Variants in TRIM26 observed in about 807,000 individuals in gnomAD.
TRIM26 encodes the protein tripartite motif containing 26.
Under a neutral mutation model 45.5 loss-of-function variants are expected in TRIM26, and 16 were observed. The observed-to-expected ratio is 0.35, with a 90% CI of 0.24 to 0.53. TRIM26 has a LOEUF of 0.53. Among genes scored for constraint, TRIM26 ranks in the 20% least tolerant of loss-of-function variants. The pLI, the probability that TRIM26 is intolerant of heterozygous loss-of-function variation, is 0.92. For missense variants in TRIM26, 442 were observed against 691.1 expected (o/e 0.64, Z 4.04); for synonymous variants, 273 against 290.4 (o/e 0.94, Z 0.61).
At position 30,189,560 on chromosome 6, in the gene TRIM26, T is replaced by A. The variant is rs371281863; in HGVS notation, c.789-27A>T. Reference sequence around the variant, plus strand: ...TAAGAAGATGACATACATAACAAGCTGTTACTCAGCTCTTCTTACTTTCCT... The same window carrying A: ...TAAGAAGATGACATACATAACAAGCAGTTACTCAGCTCTTCTTACTTTCCT... On this transcript the variant is annotated intron_variant, in intron 7 of 9. Coordinates refer to ENST00000454678, the MANE Select transcript of TRIM26 (RefSeq NM_003449.5). This position sits in a 1 kb window ranked among gnomAD's most constrained non-coding sequence, Gnocchi z 5.0. 5.2e-5 allele frequency: 81 copies of A among 1,572,550 alleles called. No homozygotes were observed. The highest frequency in any genetic ancestry group is 6.7e-5 in the Non-Finnish European group (77 of 1,143,672).
At position 30,190,915 on chromosome 6, in the gene TRIM26, T is replaced by G. The variant is rs1028309844; in HGVS notation, c.766-880A>C. On this transcript the variant is annotated intron_variant, in intron 6 of 9. Coordinates refer to ENST00000454678, the MANE Select transcript of TRIM26 (RefSeq NM_003449.5). This position sits in a 1 kb window ranked among gnomAD's most constrained non-coding sequence, Gnocchi z 4.3. The stretch of plus-strand genomic sequence containing the variant: ...AACTGAGGCAGAAATAAACTTCTAT[T>G]CTGTTTGCGTCACTGTACAGCAGTG... Among the ~76,000 whole-genome samples, 3 of 152,118 alleles carry G rather than the reference T, an allele frequency of 2.0e-5. No homozygotes were observed. Among genetic ancestry groups the G allele is most frequent in the Non-Finnish European group, 4.4e-5 (3 of 68,024 alleles).
In TRIM26 at chr6:30,198,716, G is replaced by GCTCCCGGGA; in HGVS notation, c.379_387dup (p.Ser127_Glu129dup). ...ATGAGGACGGCCGTGTGGGGCCTGT[G>GCTCCCGGGA]CTCCCGGGACTCCCGGCACATCACG... On this transcript the variant is annotated inframe_insertion, in exon 4 of 10. Transcript: ENST00000454678. This position sits in a 1 kb window ranked among gnomAD's most constrained non-coding sequence, Gnocchi z 6.3. 6.2e-7 allele frequency: 1 copy of GCTCCCGGGA among 1,604,858 alleles called. No individual in the cohort carries two copies. The highest frequency in any genetic ancestry group is 8.5e-7 in the Non-Finnish European group (1 of 1,179,874).
Position 30,209,885 on chromosome 6 carries a change from C to CA in TRIM26, c.-376+3419dup, listed in dbSNP as rs1430136322. 1.3e-5 allele frequency among the ~76,000 whole-genome samples: 2 copies of CA among 151,154 alleles called. No homozygotes were observed. The highest frequency in any genetic ancestry group is 3.0e-5 in the Non-Finnish European group (2 of 67,704). On this transcript the variant is annotated intron_variant, in intron 1 of 9. Coordinates refer to ENST00000454678, the MANE Select transcript of TRIM26 (RefSeq NM_003449.5). The surrounding 1 kb of genome is among the most constrained non-coding windows in gnomAD (Gnocchi z 4.8). ...AAAATAAAAATAAAAACAAACACAC[C>CA]AAAAAAACTCCTACTAGCTGAGGTC...
At chr6:30,195,757 G>T (rs1045749094) in intron 6 of TRIM26, among the ~76,000 whole-genome samples, 1 of 152,122 alleles carries the variant, frequency 6.6e-6, no homozygotes, top group Non-Finnish European at 1.5e-5. Flanking sequence ...CAGTGCAAGT[G>T]GGGGAATACC....
chr6:30,192,346 G>A (rs1204794407), intron 6 of TRIM26, among the ~76,000 whole-genome samples: 1 of 152,144 alleles, frequency 6.6e-6, no homozygotes, highest in East Asian at 1.9e-4. Flanking sequence ...CATGCCACCT[G>A]ATCCTGCAGG....
In TRIM26 at chr6:30,186,341, CTCT is replaced by C. The variant is rs1172230559; in HGVS notation, c.1152_1154del (p.Glu385del). 1.2e-6 allele frequency: 2 copies of C among 1,612,718 alleles called. No individual in the cohort carries two copies. The highest frequency in any genetic ancestry group is 1.7e-6 in the Non-Finnish European group (2 of 1,179,698). ...CTTCTCCCTCTTCCTCCTCATCCCC[CTCT>C]TCTTCATCCTCAGACCAGCCCTCCC... On this transcript the variant is annotated inframe_deletion, in exon 10 of 10. Transcript: ENST00000454678. This position sits in a 1 kb window ranked among gnomAD's most constrained non-coding sequence, Gnocchi z 7.4.
rs1776551718 is a variant in TRIM26 at position 30,196,997 on chromosome 6, C to T, written c.535-251G>A. ...ACCCTGTCTCCACCTGACTGGTCAG[C>T]CACAATCTGTTCTAGCTAAACCAGT... is the stretch of plus-strand genomic sequence containing the variant. On this transcript the variant is annotated intron_variant, in intron 5 of 9. Transcript: ENST00000454678. This position sits in a 1 kb window ranked among gnomAD's most constrained non-coding sequence, Gnocchi z 4.9. 6.6e-6 allele frequency among the ~76,000 whole-genome samples: 1 copy of T among 152,154 alleles called. No individual in the cohort carries two copies. The highest frequency in any genetic ancestry group is 2.4e-5 in the African/African-American group (1 of 41,432).
chr6:30,198,702 C>T lies in TRIM26; in HGVS notation c.402G>A (p.Thr134=), dbSNP rs183267280. The stretch of plus-strand genomic sequence containing the variant: ...GGGCGGCCTTCTCCATGAGGACGGC[C>T]GTGTGGGGCCTGTGCTCCCGGGACT... The part of the protein sequence containing the change: ...CRESREHRPH[T]AVLMEKAAQP... Residue 134 remains threonine, a synonymous_variant, in exon 4 of 10, where the codon ACG becomes ACA. Coordinates refer to ENST00000454678, the MANE Select transcript of TRIM26 (RefSeq NM_003449.5). The surrounding 1 kb of genome is among the most constrained non-coding windows in gnomAD (Gnocchi z 6.3). 1.2e-4 allele frequency: 199 copies of T among 1,605,000 alleles called. 1 individual carries two copies. Among genetic ancestry groups the T allele is most frequent in the Admixed American group, 1.1e-3 (67 of 59,970 alleles).
Position 30,189,020 on chromosome 6 carries a change from AGAGGGAGGGGGGCTTCTATT to A in TRIM26, c.937+127_937+146del, listed in dbSNP as rs1253320457. On this transcript the variant is annotated intron_variant, in intron 9 of 9. Transcript: ENST00000454678. This position sits in a 1 kb window ranked among gnomAD's most constrained non-coding sequence, Gnocchi z 5.0. ...AGAGTAGGCTGATTAGAAAGTGCAA[AGAGGGAGGGGGGCTTCTATT>A]GTGCAGCTGGGAAATTCTTCCTGTT... 3.5e-6 allele frequency: 3 copies of A among 845,592 alleles called. No individual in the cohort carries two copies. Among genetic ancestry groups the A allele is most frequent in the African/African-American group, 1.7e-5 (1 of 58,878 alleles). The allele number at this position is 845,592 out of a possible 1,614,324, so 52.4% of individuals were successfully genotyped here.
Position 30,186,127 on chromosome 6 carries a change from C to G in TRIM26, c.1369G>C (p.Glu457Gln), listed in dbSNP as rs1475860117. 1 of 1,591,086 alleles carries G rather than the reference C, an allele frequency of 6.3e-7. No individual in the cohort carries two copies. Among genetic ancestry groups the G allele is most frequent in the African/African-American group, 1.3e-5 (1 of 74,214 alleles). Residue 457 changes from glutamate to glutamine, a missense_variant, in exon 10 of 10, where the codon GAG (glutamate) becomes CAG (glutamine). Glu to Gln is a conservative substitution (Grantham distance 29). Coordinates refer to ENST00000454678, the MANE Select transcript of TRIM26 (RefSeq NM_003449.5). This position sits in a 1 kb window ranked among gnomAD's most constrained non-coding sequence, Gnocchi z 7.4. ...AGGCGCAGCGCCCACACGCCATCCT[C>G]TGGCCGCAGGGAGAGGTCTCCCTTC... ...KRKGDLSLRPEDGVWALRLSS... is the reference protein window; with the variant it reads ...KRKGDLSLRPQDGVWALRLSS...
rs770994197 is a variant in TRIM26, at chr6:30,189,564, A to G, written c.789-31T>C. The G allele has an allele frequency of 1.3e-6, 2 of 1,552,770 alleles. No individual in the cohort carries two copies. Among genetic ancestry groups the G allele is most frequent in the Non-Finnish European group, 1.8e-6 (2 of 1,125,706 alleles). ...AAGATGACATACATAACAAGCTGTT[A>G]CTCAGCTCTTCTTACTTTCCTTCAT... On this transcript the variant is annotated intron_variant, in intron 7 of 9. Coordinates refer to ENST00000454678, the MANE Select transcript of TRIM26 (RefSeq NM_003449.5). This position sits in a 1 kb window ranked among gnomAD's most constrained non-coding sequence, Gnocchi z 5.0.
chr6:30,201,550 A>G (rs2517611), intron 2 of TRIM26, among the ~76,000 whole-genome samples: 33,666 of 152,128 alleles, frequency 0.22, 4,225 homozygotes, highest in African/African-American at 0.33. Context: ...ATGCTGGTAG[A>G]AATGCTAGGA....
Position 30,189,947 on chromosome 6 carries a change from C to T in TRIM26, c.788+66G>A. On this transcript the variant is annotated intron_variant, in intron 7 of 9. Coordinates refer to ENST00000454678, the MANE Select transcript of TRIM26 (RefSeq NM_003449.5). The surrounding 1 kb of genome is among the most constrained non-coding windows in gnomAD (Gnocchi z 5.0). ...CCACTCCCCATGAATTCAAATGCAC[C>T]TGGTCAGAAGCGGGGGAACATAAAC... 1.3e-6 allele frequency: 2 copies of T among 1,596,162 alleles called. No individual in the cohort carries two copies. Among genetic ancestry groups the T allele is most frequent in the Non-Finnish European group, 1.7e-6 (2 of 1,165,026 alleles).
chr6:30,195,363 A>C (rs537915705), intron 6 of TRIM26, among the ~76,000 whole-genome samples: 1 of 152,154 alleles, frequency 6.6e-6, no homozygotes, highest in Non-Finnish European at 1.5e-5. Context: ...GGAGGAAAAG[A>C]GGGGGCCAGA....
At chr6:30,193,136 ATGTGTGTG>A (rs9278607) in intron 6 of TRIM26, among the ~76,000 whole-genome samples, 10 of 51,702 alleles carry the variant, frequency 1.9e-4, no homozygotes, top group African/African-American at 5.1e-4. Context: ...ATATACATAT[ATGTGTGTG>A]TGTGTGTGTG....
Position 30,209,764 on chromosome 6 carries a change from C to G in TRIM26, c.-376+3541G>C, listed in dbSNP as rs1385314053. 6.6e-6 allele frequency among the ~76,000 whole-genome samples: 1 copy of G among 152,014 alleles called. No individual in the cohort carries two copies. Among genetic ancestry groups the G allele is most frequent in the Non-Finnish European group, 1.5e-5 (1 of 67,978 alleles). ...CCTATAATCCTAGCACTGTGGGAGG[C>G]TGAGGCAGGAGGATCCCTTGAATCC... On this transcript the variant is annotated intron_variant, in intron 1 of 9. Transcript: ENST00000454678. This position sits in a 1 kb window ranked among gnomAD's most constrained non-coding sequence, Gnocchi z 4.8.
chr6:30,186,602 G>C lies in TRIM26; in HGVS notation c.938-44C>G. 2 of 1,486,656 alleles carry C rather than the reference G, an allele frequency of 1.3e-6. No homozygotes were observed. Among genetic ancestry groups the C allele is most frequent in the Admixed American group, 5.0e-5 (2 of 39,680 alleles). 92.1% of individuals were successfully genotyped at this position (1,486,656 alleles called of 1,614,324 possible). ...AAAAAAAAAACAGCATCACTGTTTT[G>C]TTTTGTTTTTTAAGTCAGAGGGAAT... On this transcript the variant is annotated intron_variant, in intron 9 of 9. Transcript: ENST00000454678. This position sits in a 1 kb window ranked among gnomAD's most constrained non-coding sequence, Gnocchi z 7.4.
At chr6:30,201,943 G>T (rs1318472648) in intron 2 of TRIM26, among the ~76,000 whole-genome samples, 1 of 152,138 alleles carries the variant, frequency 6.6e-6, no homozygotes, top group Non-Finnish European at 1.5e-5. Context: ...TTTTTCAGTT[G>T]TAACATACTG....
At chr6:30,201,661 C>T (rs781028728) in intron 2 of TRIM26, among the ~76,000 whole-genome samples, 22 of 151,994 alleles carry the variant, frequency 1.4e-4, no homozygotes, top group Non-Finnish European at 2.6e-4. Flanking sequence ...CTGGCTAACA[C>T]GGTGAAACCC....
Sources: gnomAD v4.1 joint callset for allele counts (sites outside exome capture counted in the v4.1 genomes callset) on GRCh38, gnomAD v4.1.1 for gene constraint, Gnocchi (gnomAD v3.1) non-coding constraint, MANE v1.5 for transcripts, NCBI Gene and HGNC (gene_info 2026-07-23, HGNC 2026-07-21) for gene names.